Variants in CLDN19 observed in about 807,000 individuals in gnomAD.
The protein encoded by CLDN19 is claudin 19, also known as claudin-19.
In CLDN19, 19 loss-of-function variants were observed where a neutral mutation model predicts 24.5. That is an observed-to-expected ratio of 0.78 (90% CI 0.54 to 1.14). CLDN19 has a LOEUF of 1.14. Among genes scored for constraint, CLDN19 ranks in the 50% most tolerant of loss-of-function variants. CLDN19 has a pLI of 0.00. For missense variants in CLDN19, 250 were observed against 295.9 expected, an observed-to-expected ratio of 0.84 and a Z score of 1.14; for synonymous variants, 117 against 129.6, an observed-to-expected ratio of 0.90 and a Z score of 0.66.
At chr1:42,739,081 G>T (rs1349384334) in intron 1 of CLDN19, among the ~76,000 whole-genome samples, 1 of 152,138 alleles carries the variant, frequency 6.6e-6, no homozygotes, top group Non-Finnish European at 1.5e-5. Context: ...GGGTGCATGG[G>T]TCCATCCTGG....
intron 3 of CLDN19, among the ~76,000 whole-genome samples, chr1:42,736,860 G>A (rs1020113370): frequency 2.6e-5 from 4 of 152,162 alleles, no homozygotes; most frequent in Admixed American, 1.3e-4. Flanking sequence ...ATCGGGGGCC[G>A]AGTCCTATCC....
Position 42,734,064 on chromosome 1 carries a change from T to C in CLDN19, c.*1022A>G, listed in dbSNP as rs1442385976. On this transcript the variant is annotated 3_prime_UTR_variant, in exon 5 of 5. Transcript: ENST00000296387. ...ATGGATGCTTTCCCCAGAAGCCTGA[T>C]ACGCAGTGGCCAGGGAGACTGAGTC... The C allele has an allele frequency of 1.3e-5, 2 of 152,520 alleles. No individual in the cohort carries two copies. Among genetic ancestry groups the C allele is most frequent in the African/African-American group, 4.8e-5 (2 of 41,424 alleles). The allele number at this position is 152,520 out of a possible 1,614,324, so 9.4% of individuals were successfully genotyped here. A position where few individuals can be genotyped will look rare whatever the true frequency, so the allele number is the denominator to read the frequency against.
Position 42,739,845 on chromosome 1 carries a change from C to T in CLDN19, c.219G>A (p.Leu73=). The change falls in exon 1 of 5, where the codon CTG becomes CTA. Residue 73 remains leucine, a synonymous_variant. Coordinates refer to ENST00000296387, the MANE Select transcript of CLDN19 (RefSeq NM_148960.3). ...QCKLYDSLLA[L]DGHIQSARAL... ...CCCCGCCGGCCTGGGGCCTACCGTC[C>T]AGGGCGAGCAGCGAGTCGTAGAGCT... 6.2e-7 allele frequency: 1 copy of T among 1,612,774 alleles called. No individual in the cohort carries two copies. Among genetic ancestry groups the T allele is most frequent in the Non-Finnish European group, 8.5e-7 (1 of 1,179,754 alleles).
intron 1 of CLDN19, 93 bp downstream of exon 1, chr1:42,739,748 C>A (rs950277692): frequency 5.7e-6 from 6 of 1,050,440 alleles, no homozygotes; most frequent in Admixed American, 2.0e-5. Context: ...GAGGTTGGAG[C>A]CCAGCGCAGA....
chr1:42,735,979 G>A lies in CLDN19; in HGVS notation c.525C>T (p.Ala175=), dbSNP rs138355552. 22 of 1,575,292 alleles carry A rather than the reference G, an allele frequency of 1.4e-5. No homozygotes were observed. Among genetic ancestry groups the A allele is most frequent in the African/African-American group, 2.7e-5 (2 of 74,386 alleles). The change falls in exon 4 of 5, where the codon GCC becomes GCT. Residue 175 remains alanine (A), a synonymous_variant. Transcript: ENST00000296387. The stretch of plus-strand genomic sequence containing the variant: ...AGCAGAGGAAGGAGCCGCCCAGCAC[G>A]GCCAGGCCAGCTGAGGCCCAGCCCA... ...LFVGWASAGL[A]VLGGSFLCCT...
intron 1 of CLDN19, among the ~76,000 whole-genome samples, chr1:42,739,338 A>G (rs1451696371): frequency 6.6e-6 from 1 of 152,198 alleles, no homozygotes; most frequent in Non-Finnish European, 1.5e-5. Context: ...GACTGCATGC[A>G]GACACACCTG....
At chr1:42,739,450 C>T (rs1308904227) in intron 1 of CLDN19, among the ~76,000 whole-genome samples, 1 of 152,230 alleles carries the variant, frequency 6.6e-6, no homozygotes, top group African/African-American at 2.4e-5. Context: ...GACTAGGGAG[C>T]AGGTGTGCAT....
Position 42,739,823 on chromosome 1 carries a change from C to A in CLDN19, c.223+18G>T, listed in dbSNP as rs759972406. On this transcript the variant is annotated intron_variant, in intron 1 of 4. Coordinates refer to ENST00000296387, the MANE Select transcript of CLDN19 (RefSeq NM_148960.3). ...TGTTCCCACCTCCCATCTCCCACCCCGCCGGCCTGGGGCCTACCGTCCAGG... is the reference window on the plus strand; with the variant it reads ...TGTTCCCACCTCCCATCTCCCACCCAGCCGGCCTGGGGCCTACCGTCCAGG... The A allele has an allele frequency of 6.2e-7, 1 of 1,609,452 alleles. No individual in the cohort carries two copies. Among genetic ancestry groups the A allele is most frequent in the Non-Finnish European group, 8.5e-7 (1 of 1,177,746 alleles).
Position 42,735,133 on chromosome 1 carries a change from G to C in CLDN19, c.628C>G (p.Pro210Ala), listed in dbSNP as rs756892751. 5 of 1,614,084 alleles carry C rather than the reference G, an allele frequency of 3.1e-6. No individual in the cohort carries two copies. Among genetic ancestry groups the C allele is most frequent in the Non-Finnish European group, 4.2e-6 (5 of 1,179,968 alleles). ...GCGGAGGCGGGCAATTTAACAACTG[G>C]TCTGAAAGTCAAAAGAGAGAGAGCT... ...RPGPSAAARE[P>A]VVKLPASAKG... The change falls in exon 5 of 5, where the codon CCA (proline) becomes GCA (alanine). Residue 210 changes from proline to alanine, a missense_variant and splice_region_variant. Transcript: ENST00000296387.
At position 42,739,828 on chromosome 1, in the gene CLDN19, G is replaced by A. The variant is rs764137037; in HGVS notation, c.223+13C>T. 2 of 1,610,592 alleles carry A rather than the reference G, an allele frequency of 1.2e-6. No individual in the cohort carries two copies. The highest frequency in any genetic ancestry group is 2.2e-5 in the South Asian group (2 of 90,808). ...CCACCTCCCATCTCCCACCCCGCCG[G>A]CCTGGGGCCTACCGTCCAGGGCGAG... On this transcript the variant is annotated intron_variant, in intron 1 of 4. Coordinates refer to ENST00000296387, the MANE Select transcript of CLDN19 (RefSeq NM_148960.3).
intron 4 of CLDN19, chr1:42,735,669 G>T: frequency 6.9e-7 from 1 of 1,441,016 alleles, no homozygotes; most frequent in Non-Finnish European, 9.1e-7. Flanking sequence ...GTGTATGCCT[G>T]GGGGCTGGGT....
At position 42,733,771 on chromosome 1, in the gene CLDN19, A is replaced by T. The variant is rs1326675459; in HGVS notation, c.*1315T>A. On this transcript the variant is annotated 3_prime_UTR_variant, in exon 5 of 5. Transcript: ENST00000296387. ...GTGGATGTGCAGCACCGGCCAGGCC[A>T]GGCGCCGAGGGGTCAGTCCCCCAGC... is the stretch of plus-strand genomic sequence containing the variant. The T allele has an allele frequency of 2.0e-5, 3 of 152,810 alleles. No individual in the cohort carries two copies. Among genetic ancestry groups the T allele is most frequent in the African/African-American group, 7.2e-5 (3 of 41,460 alleles). 9.5% of individuals were successfully genotyped at this position (152,810 alleles called of 1,614,324 possible).
Position 42,735,929 on chromosome 1 carries a change from G to T in CLDN19, c.575C>A (p.Pro192His). 6.3e-7 allele frequency: 1 copy of T among 1,579,066 alleles called. No homozygotes were observed. Among genetic ancestry groups the T allele is most frequent in the East Asian group, 2.3e-5 (1 of 43,352 alleles). Reference protein sequence around the residue: ...LCCTCPEPERPNSSPQPYRPG... With the variant: ...LCCTCPEPERHNSSPQPYRPG... ...CCGATAGGGCTGTGGGCTGCTGTTG[G>T]GTCTCTCTGGCTCCGGGCATGTGCA... is the stretch of plus-strand genomic sequence containing the variant. The change falls in exon 4 of 5, where the codon CCC becomes CAC. Residue 192 changes from proline (P) to histidine (H), a missense_variant. Physicochemically the swap from Pro to His is moderately conservative, Grantham distance 77. Coordinates refer to ENST00000296387, the MANE Select transcript of CLDN19 (RefSeq NM_148960.3).
chr1:42,738,572 T>C lies in CLDN19; in HGVS notation c.237A>G (p.Ser79=). The C allele has an allele frequency of 1.2e-6, 2 of 1,613,520 alleles. No individual in the cohort carries two copies. The highest frequency in any genetic ancestry group is 1.7e-6 in the Non-Finnish European group (2 of 1,179,944). The change falls in exon 2 of 5, where the codon TCA becomes TCG. Residue 79 remains serine (S), a synonymous_variant. Coordinates refer to ENST00000296387, the MANE Select transcript of CLDN19 (RefSeq NM_148960.3). ...SLLALDGHIQ[S]ARALMVVAVL... ...CGGCCACCACCATCAGGGCCCGCGC[T>C]GATTGGATGTGACCTAGGGTGGGCG...
In CLDN19 at chr1:42,740,209, C is replaced by T. The variant is rs144607541; in HGVS notation, c.-146G>A. ...CAGAGGCAGAGAAGGAGAGGTGGTG[C>T]GGCGGCAGCGGCTGGAGCAAAGGCA... On this transcript the variant is annotated 5_prime_UTR_variant, in exon 1 of 5. Coordinates refer to ENST00000296387, the MANE Select transcript of CLDN19 (RefSeq NM_148960.3). 3.0e-4 allele frequency: 210 copies of T among 695,582 alleles called. 1 individual carries two copies. Among genetic ancestry groups the T allele is most frequent in the Non-Finnish European group, 4.8e-4 (184 of 386,812 alleles). The allele number at this position is 695,582 out of a possible 1,614,324, so 43.1% of individuals were successfully genotyped here.
At chr1:42,738,729 G>T in intron 1 of CLDN19, 144 bp from the exon 2 acceptor site, 5 of 722,098 alleles carry the variant, frequency 6.9e-6, no homozygotes, top group Non-Finnish European at 1.2e-5. Flanking sequence ...GCAGGTGCAG[G>T]ATAGTGAGGA....
chr1:42,740,217 G>A lies in CLDN19; in HGVS notation c.-154C>T. 1.4e-6 allele frequency: 1 copy of A among 690,248 alleles called. No homozygotes were observed. The highest frequency in any genetic ancestry group is 2.6e-6 in the Non-Finnish European group (1 of 383,054). The allele number at this position is 690,248 out of a possible 1,614,324, so 42.8% of individuals were successfully genotyped here. A position where few individuals can be genotyped will look rare whatever the true frequency, so the allele number is the denominator to read the frequency against. On this transcript the variant is annotated 5_prime_UTR_variant, in exon 1 of 5. Transcript: ENST00000296387. The stretch of plus-strand genomic sequence containing the variant: ...GAGAAGGAGAGGTGGTGCGGCGGCA[G>A]CGGCTGGAGCAAAGGCAGTGGCTCT...
Position 42,739,911 on chromosome 1 carries a change from C to A in CLDN19, c.153G>T (p.Trp51Cys), listed in dbSNP as rs387907418. ...CAGTGCTCTGGGAGGCGCAGGACAT[C>A]CAGAGCCCTTCATAGAGGCCCACGG... Reference protein sequence around the residue: ...ITAVGLYEGLWMSCASQSTGQ... With the variant: ...ITAVGLYEGLCMSCASQSTGQ... Residue 51 changes from tryptophan (W) to cysteine (C), a missense_variant, in exon 1 of 5, where the codon TGG (tryptophan) becomes TGT (cysteine). Transcript: ENST00000296387. 3 of 1,612,634 alleles carry A rather than the reference C, an allele frequency of 1.9e-6. No homozygotes were observed. The highest frequency in any genetic ancestry group is 1.1e-5 in the South Asian group (1 of 90,800).
intron 4 of CLDN19, 116 bp downstream of exon 4, chr1:42,735,762 C>T (rs760700236): frequency 1.3e-6 from 2 of 1,523,708 alleles, no homozygotes; most frequent in African/African-American, 2.7e-5. Context: ...CTCAGAGCAC[C>T]TATGCCCATC....
Sources: gnomAD v4.1 joint callset for allele counts (sites outside exome capture counted in the v4.1 genomes callset) on GRCh38, gnomAD v4.1.1 for gene constraint, MANE v1.5 for transcripts, NCBI Gene and HGNC (gene_info 2026-07-23, HGNC 2026-07-21) for gene names.